C8orf89: variants seen among roughly 807,000 people sequenced by gnomAD.
The protein encoded by C8orf89 is putative uncharacterized protein C8orf89.
A neutral mutation model predicts 15.8 loss-of-function variants in C8orf89; 14 were observed. The observed-to-expected ratio is 0.89, with a 90% CI of 0.59 to 1.39. The LOEUF (loss-of-function observed/expected upper bound fraction) is 1.39. Among genes scored for constraint, C8orf89 ranks in the 40% most tolerant of loss-of-function variants. C8orf89 has a pLI of 0.00. For synonymous variants in C8orf89, 55 were observed against 62.2 expected (o/e 0.88, Z 0.54); for missense variants, 181 against 184.5 (o/e 0.98, Z 0.11).
chr8:73,253,380 G>A (rs980040370), intron 2 of C8orf89, among the ~76,000 whole-genome samples: 62 of 152,298 alleles, frequency 4.1e-4, no homozygotes, highest in African/African-American at 1.4e-3. Context: ...GATGCCTCCA[G>A]CTTTATTCTT....
intron 2 of C8orf89, among the ~76,000 whole-genome samples, chr8:73,254,494 T>C (rs1253481200): frequency 6.6e-6 from 1 of 152,204 alleles, no homozygotes; most frequent in Non-Finnish European, 1.5e-5. Flanking sequence ...ATTCAGGGAA[T>C]GAGGCCTCCT....
the C8orf89 span, among the ~76,000 whole-genome samples, chr8:73,268,288 G>T: frequency 2.6e-5 from 4 of 152,028 alleles, no homozygotes; most frequent in Non-Finnish European, 5.9e-5. Flanking sequence ...GACCAGCCTG[G>T]CCAACATGGT....
the C8orf89 span, among the ~76,000 whole-genome samples, chr8:73,284,396 T>C: frequency 6.6e-6 from 1 of 151,880 alleles, no homozygotes; most frequent in African/African-American, 2.4e-5. Context: ...GTATTTTTAG[T>C]GGAGACGGGG....
chr8:73,264,630 A>C, the C8orf89 span, among the ~76,000 whole-genome samples: 2 of 152,160 alleles, frequency 1.3e-5, no homozygotes, highest in Non-Finnish European at 2.9e-5. Flanking sequence ...AGCTGGGATT[A>C]CAGGTGCCCA....
chr8:73,272,045 A>G, the C8orf89 span, among the ~76,000 whole-genome samples: 13 of 152,182 alleles, frequency 8.5e-5, no homozygotes, highest in African/African-American at 3.1e-4. Flanking sequence ...CATCATGATT[A>G]TTATTATAGG....
the C8orf89 span, among the ~76,000 whole-genome samples, chr8:73,265,791 C>T: frequency 6.6e-6 from 1 of 152,210 alleles, no homozygotes; most frequent in Admixed American, 6.5e-5. Context: ...CCCAAACTAG[C>T]CACGTTTTCC....
intron 2 of C8orf89, among the ~76,000 whole-genome samples, chr8:73,254,599 G>T (rs1813325876): frequency 6.6e-6 from 1 of 152,202 alleles, no homozygotes; most frequent in African/African-American, 2.4e-5. Flanking sequence ...CCTCATGCCT[G>T]GTCATTTGGG....
At chr8:73,262,085 G>A (rs1813539446), upstream of C8orf89, among the ~76,000 whole-genome samples, 1 of 152,070 alleles carries the variant, frequency 6.6e-6, no homozygotes, top group Admixed American at 6.5e-5. Flanking sequence ...TAATGAAAAT[G>A]GCAACAAAAC....
chr8:73,264,127 C>T (rs892835510), upstream of C8orf89, among the ~76,000 whole-genome samples: 3 of 152,062 alleles, frequency 2.0e-5, no homozygotes, highest in African/African-American at 7.2e-5. Context: ...TTCAGTGTAA[C>T]TATACTTGGG....
At chr8:73,269,805 A>C in the C8orf89 span, among the ~76,000 whole-genome samples, 1 of 152,246 alleles carries the variant, frequency 6.6e-6, no homozygotes, top group Admixed American at 6.5e-5. Context: ...TGTAGCTTTC[A>C]CTGTTATTTT....
Position 73,259,340 on chromosome 8 carries a change from A to T in C8orf89, c.119T>A (p.Ile40Asn). 1 of 1,498,576 alleles carries T rather than the reference A, an allele frequency of 6.7e-7. No homozygotes were observed. Among genetic ancestry groups the T allele is most frequent in the South Asian group, 1.2e-5 (1 of 81,526 alleles). The allele number at this position is 1,498,576 out of a possible 1,614,324, so 92.8% of individuals were successfully genotyped here. A position where few individuals can be genotyped will look rare whatever the true frequency, so the allele number is the denominator to read the frequency against. Reference protein sequence around the residue: ...WKKAVLETQKIKKEYTTAFGL... With the variant: ...WKKAVLETQKNKKEYTTAFGL... ...AATAACAATAAAGTTACCTTTCTTA[A>T]TCTTTTGTGTTTCTAAAACTGCTTT... The change falls in exon 1 of 4, where the codon ATT becomes AAT. Residue 40 changes from isoleucine (I) to asparagine (N), a missense_variant. Coordinates refer to ENST00000624510, the MANE Select transcript of C8orf89 (RefSeq NM_001243237.3).
At chr8:73,269,757 C>A in the C8orf89 span, among the ~76,000 whole-genome samples, 1 of 152,162 alleles carries the variant, frequency 6.6e-6, no homozygotes, top group African/African-American at 2.4e-5. Flanking sequence ...GACATAATAA[C>A]TCAATATAGT....
the C8orf89 span, among the ~76,000 whole-genome samples, chr8:73,281,987 G>A: frequency 1.5e-4 from 23 of 152,220 alleles, no homozygotes; most frequent in Admixed American, 7.2e-4. Flanking sequence ...AAAGCAAGCC[G>A]TTTGCTGACC....
intron 2 of C8orf89, among the ~76,000 whole-genome samples, chr8:73,255,252 T>A (rs925157024): frequency 1.3e-5 from 2 of 152,020 alleles, no homozygotes; most frequent in South Asian, 4.2e-4. Context: ...AATCTACAAT[T>A]AACTCAAACA....
upstream of C8orf89, among the ~76,000 whole-genome samples, chr8:73,263,294 G>A (rs1007783993): frequency 1.3e-5 from 2 of 152,148 alleles, no homozygotes; most frequent in Admixed American, 1.3e-4. Flanking sequence ...GGGTGGATCA[G>A]TTGAGGCCAG....
the C8orf89 span, among the ~76,000 whole-genome samples, chr8:73,267,984 A>T: frequency 2.0e-5 from 3 of 152,194 alleles, no homozygotes; most frequent in Non-Finnish European, 2.9e-5. Context: ...ACTCTGATGA[A>T]GCCTTTAGAT....
the C8orf89 span, among the ~76,000 whole-genome samples, chr8:73,265,425 T>C: frequency 6.6e-6 from 1 of 152,106 alleles, no homozygotes. Flanking sequence ...TAAAAGCAAA[T>C]CTCTGGTTTA....
At chr8:73,266,049 C>G in the C8orf89 span, among the ~76,000 whole-genome samples, 1 of 152,328 alleles carries the variant, frequency 6.6e-6, no homozygotes, top group East Asian at 1.9e-4. Context: ...AACTGATCTC[C>G]TCACATCCAG....
At chr8:73,264,028 A>G (rs1813576028), upstream of C8orf89, among the ~76,000 whole-genome samples, 1 of 152,134 alleles carries the variant, frequency 6.6e-6, no homozygotes, top group African/African-American at 2.4e-5. Context: ...TTAACATGGA[A>G]CTCACGGTCA....
Sources: allele counts gnomAD v4.1 joint callset (sites outside exome capture counted in the v4.1 genomes callset), GRCh38; gene constraint gnomAD v4.1.1; transcripts MANE v1.5; gene names NCBI Gene and HGNC (gene_info 2026-07-23, HGNC 2026-07-21).